Variants in PCDHA9 observed in about 807,000 individuals in gnomAD.
PCDHA9 encodes protocadherin alpha-9.
In PCDHA9, 62 loss-of-function variants were observed where a neutral mutation model predicts 62.0. The ratio of observed to expected loss-of-function variants is 1.00; its 90% CI spans 0.81 to 1.23. The LOEUF (loss-of-function observed/expected upper bound fraction) is 1.23. Among genes scored for constraint, PCDHA9 ranks in the 50% most tolerant of loss-of-function variants. The pLI, the probability that PCDHA9 is intolerant of heterozygous loss-of-function variation, is 0.00. For missense variants in PCDHA9, 1,205 were observed against 1,249.8 expected, an observed-to-expected ratio of 0.96 and a Z score of 0.54; for synonymous variants, 557 against 567.6, an observed-to-expected ratio of 0.98 and a Z score of 0.27.
chr5:140,876,075 C>G, intron 1 of PCDHA9: 1 of 1,613,908 alleles, frequency 6.2e-7, no homozygotes, highest in Non-Finnish European at 8.5e-7. Context: ...AGTTATTGGA[C>G]AGAGAGCAAA....
chr5:140,952,338 CAAA>C (rs55931446), intron 1 of PCDHA9, among the ~76,000 whole-genome samples: 80,539 of 134,836 alleles, frequency 0.6, 22,945 homozygotes, highest in African/African-American at 0.71. Context: ...AACTCCATCT[CAAA>C]AAAAAAAAAA....
chr5:140,896,491 T>A (rs2065573741), intron 1 of PCDHA9, among the ~76,000 whole-genome samples: 1 of 152,042 alleles, frequency 6.6e-6, no homozygotes, highest in South Asian at 2.1e-4. Flanking sequence ...GCCTCCTGAG[T>A]AGCTGGGACT....
chr5:141,000,395 CTATA>C (rs1190667031), intron 3 of PCDHA9, among the ~76,000 whole-genome samples: 54 of 53,974 alleles, frequency 1.0e-3, no homozygotes, highest in East Asian at 2.4e-3. Context: ...CTCTCTCTCT[CTATA>C]TATATATATA....
intron 1 of PCDHA9, among the ~76,000 whole-genome samples, chr5:140,948,364 G>C (rs1554218529): frequency 6.6e-6 from 1 of 151,472 alleles, no homozygotes; most frequent in African/African-American, 2.4e-5. Flanking sequence ...AAATGACTTA[G>C]GAGGTGTTCC....
chr5:140,908,455 A>G (rs1425485479), intron 1 of PCDHA9, among the ~76,000 whole-genome samples: 7 of 152,178 alleles, frequency 4.6e-5, no homozygotes, highest in South Asian at 4.1e-4. Flanking sequence ...GGCTAGATGG[A>G]TCAGAAAGCA....
At chr5:140,960,112 T>C (rs145534809) in intron 1 of PCDHA9, among the ~76,000 whole-genome samples, 45 of 152,352 alleles carry the variant, frequency 3.0e-4, no homozygotes, top group Non-Finnish European at 4.3e-4. Flanking sequence ...GTGGGAACAA[T>C]AGTATTCCTT....
At chr5:140,856,650 G>T in intron 1 of PCDHA9, 1 of 1,598,142 alleles carries the variant, frequency 6.3e-7, no homozygotes, top group Admixed American at 1.7e-5. Context: ...CTGCTGGATC[G>T]TGAAGAAAAT....
At chr5:140,857,796 CG>C in intron 1 of PCDHA9, 1 of 1,597,494 alleles carries the variant, frequency 6.3e-7, no homozygotes, top group Non-Finnish European at 8.6e-7. Flanking sequence ...GTGCTGCGGT[CG>C]GTGGTTGCGG....
intron 1 of PCDHA9, chr5:140,883,199 G>A (rs782445481): frequency 6.2e-7 from 1 of 1,613,862 alleles, no homozygotes; most frequent in Non-Finnish European, 8.5e-7. Context: ...ACTAGATTTC[G>A]AAGAAAAGAA....
chr5:140,967,282 G>T, intron 1 of PCDHA9: 1 of 1,613,078 alleles, frequency 6.2e-7, no homozygotes. Flanking sequence ...TAGAGAGTGC[G>T]CAGGACCCCG....
intron 1 of PCDHA9, chr5:140,966,810 G>A (rs1290992432): frequency 3.9e-6 from 6 of 1,548,566 alleles, no homozygotes; most frequent in African/African-American, 1.4e-5. Context: ...GAGCATCCAC[G>A]GCTCCGGCGG....
At chr5:140,882,899 T>C (rs956861597) in intron 1 of PCDHA9, 1 of 1,614,228 alleles carries the variant, frequency 6.2e-7, no homozygotes. Context: ...ACATAGTTTA[T>C]TACTGACAGC....
chr5:140,911,760 A>T (rs1295639313), intron 1 of PCDHA9, among the ~76,000 whole-genome samples: 1 of 151,962 alleles, frequency 6.6e-6, no homozygotes, highest in Non-Finnish European at 1.5e-5. Flanking sequence ...TCTCCATACT[A>T]TTAGAAGTAC....
chr5:140,931,175 G>A (rs1321525314), intron 1 of PCDHA9, among the ~76,000 whole-genome samples: 2 of 152,138 alleles, frequency 1.3e-5, no homozygotes, highest in Non-Finnish European at 2.9e-5. Flanking sequence ...TAATTTTAGG[G>A]AAGGAAATTG....
At chr5:140,927,281 A>G (rs1554204297) in intron 1 of PCDHA9, 1 of 1,614,172 alleles carries the variant, frequency 6.2e-7, no homozygotes, top group Non-Finnish European at 8.5e-7. Flanking sequence ...GGCGACGTGC[A>G]GCTGCACATC....
chr5:140,907,863 C>T (rs763021038), intron 1 of PCDHA9, among the ~76,000 whole-genome samples: 4 of 152,208 alleles, frequency 2.6e-5, no homozygotes, highest in African/African-American at 7.2e-5. Context: ...TGAGGCCAGC[C>T]GTTGGTGAGC....
rs1469484046 is a variant in PCDHA9 at position 141,010,169 on chromosome 5, C to G, written c.*232C>G. ...CTCCACTCTGGCTTGTTTTCAGAAC[C>G]TAAAAAGCAGACCCAAGTTTCCTTT... On this transcript the variant is annotated 3_prime_UTR_variant, in exon 4 of 4. Coordinates refer to ENST00000532602, the MANE Select transcript of PCDHA9 (RefSeq NM_031857.2). 6.4e-7 allele frequency: 1 copy of G among 1,560,124 alleles called. No homozygotes were observed. The highest frequency in any genetic ancestry group is 8.7e-7 in the Non-Finnish European group (1 of 1,151,276).
chr5:140,863,194 T>C (rs537580785), intron 1 of PCDHA9: 17 of 849,862 alleles, frequency 2.0e-5, no homozygotes, highest in African/African-American at 1.9e-4. Flanking sequence ...CGTGGTGGCG[T>C]CGCTGGCGGA....
chr5:140,877,247 C>T (rs782249614), intron 1 of PCDHA9: 1 of 1,613,680 alleles, frequency 6.2e-7, no homozygotes, highest in African/African-American at 1.3e-5. Context: ...CACGTGGTGG[C>T]GAAAGTGCGC....
Sources: allele counts gnomAD v4.1 joint callset (sites outside exome capture counted in the v4.1 genomes callset), GRCh38; gene constraint gnomAD v4.1.1; transcripts MANE v1.5; gene names NCBI Gene and HGNC (gene_info 2026-07-23, HGNC 2026-07-21).